MEGF11: variants seen among roughly 807,000 people sequenced by gnomAD.
The protein encoded by MEGF11 is multiple epidermal growth factor-like domains protein 11.
In MEGF11, 126 loss-of-function variants were observed where a neutral mutation model predicts 146.6. The ratio of observed to expected loss-of-function variants is 0.86; its 90% CI spans 0.74 to 1.00. MEGF11 has a LOEUF of 1.00. Among genes scored for constraint, MEGF11 ranks in the 50% least tolerant of loss-of-function variants. The probability of loss-of-function intolerance (pLI) is 0.00; values close to 1 mark genes in which losing one functional copy is unlikely to be tolerated. For missense variants in MEGF11, 1,509 were observed against 1,521.2 expected (o/e 0.99, Z 0.13); for synonymous variants, 532 against 583.4 (o/e 0.91, Z 1.27).
At position 65,916,202 on chromosome 15, in the gene MEGF11, TGTG is replaced by T. The variant is rs760580124; in HGVS notation, c.2287_2289del (p.His763del). 88 of 1,579,776 alleles carry T rather than the reference TGTG, an allele frequency of 5.6e-5. 1 individual carries two copies. Among genetic ancestry groups the T allele is most frequent in the African/African-American group, 4.3e-4 (32 of 74,254 alleles). On this transcript the variant is annotated inframe_deletion, in exon 18 of 26. Coordinates refer to ENST00000395614, the MANE Select transcript of MEGF11 (RefSeq NM_001385028.1). ...GTGCGGCAGGTGCACTTGCCACTGA[TGTG>T]GTCACAGCTGGCGCCATTCTGACAC...
intron 10 of MEGF11, among the ~76,000 whole-genome samples, chr15:65,940,558 C>T (rs1328903735): frequency 2.0e-5 from 3 of 152,228 alleles, no homozygotes; most frequent in African/African-American, 4.8e-5. Context: ...GAGCAAACCT[C>T]GCTGGACCTA....
chr15:65,945,685 C>T (rs76987640), intron 10 of MEGF11, among the ~76,000 whole-genome samples: 75 of 152,264 alleles, frequency 4.9e-4, no homozygotes, highest in African/African-American at 1.7e-3. Flanking sequence ...GCACTCCATT[C>T]CTGCCACCAC....
chr15:66,082,509 CTATCT>C (rs2085924476), intron 5 of MEGF11, among the ~76,000 whole-genome samples: 1 of 101,072 alleles, frequency 9.9e-6, no homozygotes, highest in African/African-American at 3.9e-5. Context: ...ATCTATCTAT[CTATCT>C]ATAAATAAAT....
chr15:66,172,287 C>G (rs1478350878), intron 1 of MEGF11, among the ~76,000 whole-genome samples: 1 of 152,226 alleles, frequency 6.6e-6, no homozygotes, highest in Non-Finnish European at 1.5e-5. Flanking sequence ...ACCCTGCCTC[C>G]CTCCAGGAGC....
At chr15:66,181,502 G>A (rs1003417311) in intron 1 of MEGF11, among the ~76,000 whole-genome samples, 3 of 140,968 alleles carry the variant, frequency 2.1e-5, no homozygotes, top group Admixed American at 7.2e-5. Context: ...GGACTTTGCG[G>A]TCATCTTCTA....
chr15:66,219,272 C>G (rs1367613154), intron 1 of MEGF11, among the ~76,000 whole-genome samples: 1 of 152,156 alleles, frequency 6.6e-6, no homozygotes, highest in Admixed American at 6.6e-5. Flanking sequence ...TGAAAAGACA[C>G]TCTACAGAGC....
At chr15:66,028,301 G>C (rs571317275) in intron 5 of MEGF11, among the ~76,000 whole-genome samples, 7 of 152,286 alleles carry the variant, frequency 4.6e-5, no homozygotes, top group African/African-American at 1.7e-4. Flanking sequence ...GTCTGTCCTT[G>C]TTAGAAAGCC....
intron 8 of MEGF11, among the ~76,000 whole-genome samples, chr15:65,968,925 C>T (rs2081207185): frequency 6.6e-6 from 1 of 152,172 alleles, no homozygotes. Context: ...GTTAATGCAG[C>T]TGTCACCTAC....
chr15:65,965,099 G>A lies in MEGF11; in HGVS notation c.921C>T (p.Phe307=), dbSNP rs757622345. ...MGDRCQEECP[F]GSFGFQCSQH... ...GTGAGCACTGGAAGCCGAAGGACCC[G>A]AAGGGGCACTCCTCTTGGCACCTGT... The change falls in exon 9 of 26, where the codon TTC becomes TTT. Residue 307 remains phenylalanine (F), a synonymous_variant. Transcript: ENST00000395614. 1.7e-5 allele frequency: 27 copies of A among 1,594,252 alleles called. No individual in the cohort carries two copies. Among genetic ancestry groups the A allele is most frequent in the Non-Finnish European group, 2.1e-5 (25 of 1,168,822 alleles).
intron 1 of MEGF11, among the ~76,000 whole-genome samples, chr15:66,137,182 C>T (rs758087357): frequency 2.1e-4 from 32 of 152,298 alleles, no homozygotes; most frequent in Non-Finnish European, 8.8e-5. Flanking sequence ...GAAGCCCATA[C>T]ACCAGAGCAT....
intron 16 of MEGF11, 84 bp downstream of exon 16, chr15:65,917,882 C>T (rs753187454): frequency 2.8e-5 from 44 of 1,558,234 alleles, no homozygotes; most frequent in Non-Finnish European, 3.8e-5. Context: ...GTGGAGGCAC[C>T]AGGACAGAGA....
intron 8 of MEGF11, among the ~76,000 whole-genome samples, chr15:65,968,929 C>T (rs2081207405): frequency 6.6e-6 from 1 of 152,182 alleles, no homozygotes; most frequent in Non-Finnish European, 1.5e-5. Flanking sequence ...ATGCAGCTGT[C>T]ACCTACGAAA....
intron 1 of MEGF11, among the ~76,000 whole-genome samples, chr15:66,170,652 G>A (rs540511180): frequency 6.6e-6 from 1 of 152,336 alleles, no homozygotes; most frequent in African/African-American, 2.4e-5. Context: ...ACAGGTGTAA[G>A]AGGTTCTTAT....
At chr15:66,046,928 G>A (rs2084228835) in intron 5 of MEGF11, among the ~76,000 whole-genome samples, 1 of 152,156 alleles carries the variant, frequency 6.6e-6, no homozygotes, top group African/African-American at 2.4e-5. Context: ...AACAAGGACA[G>A]GGAGGTCCCC....
At chr15:65,929,918 C>T (rs1366614506) in intron 11 of MEGF11, 35 bp from the exon 12 acceptor site, 1 of 1,571,306 alleles carries the variant, frequency 6.4e-7, no homozygotes, top group South Asian at 1.2e-5. Flanking sequence ...ACTTCTCCAT[C>T]CAGGCCCAGT....
At chr15:66,038,916 G>A (rs1791796905) in intron 5 of MEGF11, among the ~76,000 whole-genome samples, 1 of 152,176 alleles carries the variant, frequency 6.6e-6, no homozygotes, top group African/African-American at 2.4e-5. Context: ...TAACCCTTGG[G>A]CACCTGTAGG....
At chr15:66,166,402 A>T (rs1217083875) in intron 1 of MEGF11, among the ~76,000 whole-genome samples, 1 of 151,780 alleles carries the variant, frequency 6.6e-6, no homozygotes, top group Non-Finnish European at 1.5e-5. Context: ...CCCCAGGAGC[A>T]CCCCCACTGG....
At chr15:66,157,997 G>A (rs569212365) in intron 1 of MEGF11, among the ~76,000 whole-genome samples, 3 of 152,308 alleles carry the variant, frequency 2.0e-5, no homozygotes, top group African/African-American at 7.2e-5. Context: ...TGTACCTCCC[G>A]CTGTTGCCCC....
Position 65,970,691 on chromosome 15 carries a change from T to TA in MEGF11, c.763-3dup. On this transcript the variant is annotated splice_polypyrimidine_tract_variant and splice_region_variant and intron_variant, in intron 7 of 25. Transcript: ENST00000395614. ...GCAGGGCTGGGCACACACTGCTCCC[T>TA]AAAAGAAAGGTGGGAAGACATGCAT... is the stretch of plus-strand genomic sequence containing the variant. 6.2e-7 allele frequency: 1 copy of TA among 1,608,330 alleles called. No homozygotes were observed. The highest frequency in any genetic ancestry group is 8.5e-7 in the Non-Finnish European group (1 of 1,177,284).
Sources: allele counts gnomAD v4.1 joint callset (sites outside exome capture counted in the v4.1 genomes callset), GRCh38; gene constraint gnomAD v4.1.1; transcripts MANE v1.5; gene names NCBI Gene and HGNC (gene_info 2026-07-23, HGNC 2026-07-21).